Variants in NOX4 observed in about 807,000 individuals in gnomAD.
NOX4 encodes the protein NADPH oxidase 4.
NOX4 carries 69 observed loss-of-function variants against 87.6 expected under a neutral mutation model. That is an observed-to-expected ratio of 0.79 (90% confidence interval 0.65 to 0.96). The LOEUF (loss-of-function observed/expected upper bound fraction) is 0.96. Among genes scored for constraint, NOX4 ranks in the 40% least tolerant of loss-of-function variants. The pLI is 0.00. For synonymous variants in NOX4, 275 were observed against 238.2 expected, an observed-to-expected ratio of 1.15 and a Z score of -1.42; for missense variants, 680 against 681.5, an observed-to-expected ratio of 1.00 and a Z score of 0.02.
At position 89,326,708 on chromosome 11, in the gene NOX4, A is replaced by C; in HGVS notation, c.*48T>G. On this transcript the variant is annotated 3_prime_UTR_variant, in exon 18 of 18. Coordinates refer to ENST00000263317, the MANE Select transcript of NOX4 (RefSeq NM_016931.5). ...ATTCCGCTGAGTTTCAAAGTCTTAGAAATTGCACTCATTCCTTCTTTAGAG... is the reference window on the plus strand; with the variant it reads ...ATTCCGCTGAGTTTCAAAGTCTTAGCAATTGCACTCATTCCTTCTTTAGAG... The C allele has an allele frequency of 6.4e-7, 1 of 1,573,482 alleles. No individual in the cohort carries two copies. The highest frequency in any genetic ancestry group is 8.7e-7 in the Non-Finnish European group (1 of 1,149,486).
chr11:89,415,123 T>C (rs920700838), intron 8 of NOX4, among the ~76,000 whole-genome samples: 3 of 151,968 alleles, frequency 2.0e-5, no homozygotes, highest in African/African-American at 7.2e-5. Flanking sequence ...ATAGAAATGA[T>C]AGAAGAACTT....
chr11:89,573,105 T>C, the NOX4 span, among the ~76,000 whole-genome samples: 1 of 152,254 alleles, frequency 6.6e-6, no homozygotes, highest in Non-Finnish European at 1.5e-5. Flanking sequence ...CTTCAAAGTA[T>C]ATGCATTTTA....
chr11:89,344,286 T>C (rs1456885297), intron 13 of NOX4, among the ~76,000 whole-genome samples: 1 of 152,184 alleles, frequency 6.6e-6, no homozygotes, highest in Non-Finnish European at 1.5e-5. Flanking sequence ...AAGGGTCTGG[T>C]GCAGTGGCTC....
intron 17 of NOX4, among the ~76,000 whole-genome samples, chr11:89,327,289 T>G (rs764020069): frequency 2.1e-4 from 32 of 152,182 alleles, no homozygotes; most frequent in Non-Finnish European, 4.0e-4. Flanking sequence ...TCTTCTTTTA[T>G]TAGACACTTT....
At position 89,402,557 on chromosome 11, in the gene NOX4, AAAAC is replaced by A. The variant is rs756255125; in HGVS notation, c.630-19_630-16del. 26 of 1,556,788 alleles carry A rather than the reference AAAAC, an allele frequency of 1.7e-5. No homozygotes were observed. In the East Asian group the frequency reaches 1.8e-4, roughly 11 times the overall value. ...TCAGCAGCCCTCTAAAATTACATTT[AAAAC>A]AAACAAACAGAGAAATGAAAAGATT... On this transcript the variant is annotated splice_polypyrimidine_tract_variant and intron_variant, in intron 8 of 17. Transcript: ENST00000263317.
intron 12 of NOX4, among the ~76,000 whole-genome samples, chr11:89,361,759 CAT>C (rs1938543824): frequency 6.6e-6 from 1 of 152,122 alleles, no homozygotes; most frequent in Admixed American, 6.6e-5. Flanking sequence ...TTCATATTCA[CAT>C]GAGATTTTAT....
the NOX4 span, among the ~76,000 whole-genome samples, chr11:89,554,614 G>T: frequency 2.6e-5 from 4 of 152,134 alleles, no homozygotes; most frequent in African/African-American, 9.6e-5. Context: ...GCATGCAAGA[G>T]ACTTCTAGAT....
chr11:89,582,490 T>C, the NOX4 span, among the ~76,000 whole-genome samples: 1 of 152,144 alleles, frequency 6.6e-6, no homozygotes, highest in Non-Finnish European at 1.5e-5. Context: ...CTAATTTACA[T>C]TCCCACCAAG....
chr11:89,449,409 C>A, intron 4 of NOX4, 31 bp downstream of exon 4: 2 of 1,483,418 alleles, frequency 1.3e-6, no homozygotes, highest in Non-Finnish European at 1.9e-6. Flanking sequence ...GTAATTCTAA[C>A]AAATTATTTA....
intron 8 of NOX4, among the ~76,000 whole-genome samples, chr11:89,407,405 G>A (rs372718675): frequency 8.5e-5 from 13 of 152,162 alleles, no homozygotes; most frequent in African/African-American, 2.4e-4. Context: ...TATTATTAAT[G>A]TTTTAAGTTT....
At chr11:89,331,117 G>A (rs1215939568) in intron 17 of NOX4, among the ~76,000 whole-genome samples, 1 of 151,838 alleles carries the variant, frequency 6.6e-6, no homozygotes, top group African/African-American at 2.4e-5. Context: ...TACATTTTAA[G>A]GGATTAGAAT....
At chr11:89,353,108 T>A (rs1039629471) in intron 13 of NOX4, among the ~76,000 whole-genome samples, 2 of 152,118 alleles carry the variant, frequency 1.3e-5, no homozygotes, top group African/African-American at 4.8e-5. Context: ...AAGAAAGTAG[T>A]TTTTTTGAGA....
At chr11:89,442,704 G>A (rs1043580136) in intron 5 of NOX4, among the ~76,000 whole-genome samples, 1 of 152,050 alleles carries the variant, frequency 6.6e-6, no homozygotes, top group Admixed American at 6.6e-5. Context: ...TTACTTGAGA[G>A]TTTTAAAATA....
intron 11 of NOX4, among the ~76,000 whole-genome samples, chr11:89,375,773 C>A (rs1171825995): frequency 6.6e-6 from 1 of 152,168 alleles, no homozygotes; most frequent in African/African-American, 2.4e-5. Flanking sequence ...GCAAGATACC[C>A]AACAGAGATC....
Position 89,362,228 on chromosome 11 carries a change from G to A in NOX4, c.1136-7185C>T, listed in dbSNP as rs185853071. Reference sequence around the variant, plus strand: ...CTAGCTAATCCAACCTGAAACACAGGTGCTTCATAGATCTCCACTTTGTAC... The same window carrying A: ...CTAGCTAATCCAACCTGAAACACAGATGCTTCATAGATCTCCACTTTGTAC... On this transcript the variant is annotated intron_variant, in intron 12 of 17. Transcript: ENST00000263317. 2.9e-3 allele frequency among the ~76,000 whole-genome samples: 436 copies of A among 151,542 alleles called. 4 individuals are homozygous for A. The highest frequency in any genetic ancestry group is 1.0e-2 in the African/African-American group (411 of 41,130).
chr11:89,466,046 G>T (rs74825739), intron 2 of NOX4, among the ~76,000 whole-genome samples: 2,441 of 152,102 alleles, frequency 0.016, 76 homozygotes, highest in African/African-American at 0.055. Flanking sequence ...CACCAGGTTA[G>T]GATACAGCAA....
rs1027703482 is a variant in NOX4 at position 89,491,336 on chromosome 11, G to C, written c.-90C>G. On this transcript the variant is annotated 5_prime_UTR_variant, in exon 1 of 18. Transcript: ENST00000263317. ...GGCAGCGGTTACAGTTGTGCGGCCTGCCGGGCCGCTGAGCGAGGACCGAGG... is the reference window on the plus strand; with the variant it reads ...GGCAGCGGTTACAGTTGTGCGGCCTCCCGGGCCGCTGAGCGAGGACCGAGG... The C allele has an allele frequency of 5.7e-6, 7 of 1,224,256 alleles. No individual in the cohort carries two copies. Among genetic ancestry groups the C allele is most frequent in the East Asian group, 2.5e-5 (1 of 39,424 alleles). The allele number at this position is 1,224,256 out of a possible 1,614,324, so 75.8% of individuals were successfully genotyped here. A position where few individuals can be genotyped will look rare whatever the true frequency, so the allele number is the denominator to read the frequency against.
intron 11 of NOX4, among the ~76,000 whole-genome samples, chr11:89,387,512 C>T (rs1940800213): frequency 1.3e-5 from 2 of 152,260 alleles, no homozygotes; most frequent in South Asian, 2.1e-4. Context: ...AGCTTTATTG[C>T]TCACACAAAG....
intron 7 of NOX4, among the ~76,000 whole-genome samples, chr11:89,427,659 A>C (rs959639349): frequency 6.6e-6 from 1 of 151,942 alleles, no homozygotes; most frequent in African/African-American, 2.4e-5. Context: ...AAGTGAGAAG[A>C]GTTTAGAGAG....
Sources: gnomAD v4.1 joint callset for allele counts (sites outside exome capture counted in the v4.1 genomes callset) on GRCh38, gnomAD v4.1.1 for gene constraint, MANE v1.5 for transcripts, NCBI Gene and HGNC (gene_info 2026-07-23, HGNC 2026-07-21) for gene names.